Variants in RAB3B observed in about 807,000 individuals in gnomAD.
RAB3B encodes ras-related protein Rab-3B.
Under a neutral mutation model 20.5 loss-of-function variants are expected in RAB3B, and 11 were observed. The observed-to-expected ratio is 0.54, with a 90% CI of 0.34 to 0.89. The LOEUF is 0.89. Ranked by LOEUF, RAB3B falls within the 40% of genes least tolerant of loss-of-function variation. The pLI is 0.02. For synonymous variants in RAB3B, 99 were observed against 106.3 expected, an observed-to-expected ratio of 0.93 and a Z score of 0.42; for missense variants, 225 against 280.9, an observed-to-expected ratio of 0.80 and a Z score of 1.42.
Position 51,912,461 on chromosome 1 carries a change from G to C in RAB3B, c.*7466C>G, listed in dbSNP as rs1420929129. Reference sequence around the variant, plus strand: ...GGTGGCTCATACGTACAATCCTAGTGACTCAGGAGGCCAAGGCAAGAGGAT... The same window carrying C: ...GGTGGCTCATACGTACAATCCTAGTCACTCAGGAGGCCAAGGCAAGAGGAT... On this transcript the variant is annotated 3_prime_UTR_variant, in exon 5 of 5. Coordinates refer to ENST00000371655, the MANE Select transcript of RAB3B (RefSeq NM_002867.4). 6.8e-6 allele frequency: 1 copy of C among 146,726 alleles called. No homozygotes were observed. Among genetic ancestry groups the C allele is most frequent in the Non-Finnish European group, 1.5e-5 (1 of 67,010 alleles). 9.1% of individuals were successfully genotyped at this position (146,726 alleles called of 1,614,324 possible). A position where few individuals can be genotyped will look rare whatever the true frequency, so the allele number is the denominator to read the frequency against.
intron 2 of RAB3B, among the ~76,000 whole-genome samples, 166 bp from the exon 3 acceptor site, chr1:51,937,578 A>G (rs1684424123): frequency 6.6e-6 from 1 of 151,530 alleles, no homozygotes; most frequent in South Asian, 2.1e-4. Flanking sequence ...GCTCACTGCA[A>G]CCTCTGCCTC....
At chr1:51,988,073 G>A (rs1033146303) in intron 1 of RAB3B, among the ~76,000 whole-genome samples, 9 of 151,148 alleles carry the variant, frequency 6.0e-5, no homozygotes, top group African/African-American at 2.2e-4. Flanking sequence ...TCAGTGTTTG[G>A]TTGAAAAAAA....
intron 4 of RAB3B, among the ~76,000 whole-genome samples, chr1:51,928,631 C>G (rs1684280638): frequency 6.6e-6 from 1 of 152,140 alleles, no homozygotes; most frequent in African/African-American, 2.4e-5. Flanking sequence ...TCACTGTTCC[C>G]AGATCTGATC....
rs994904548 is a variant in RAB3B at position 51,910,350 on chromosome 1, A to G, written c.*9577T>C. ...TTAAGTCCTCCTTGAGGTGGAATGC[A>G]TTTCTGGCACATAAACATGGCTGCC... is the stretch of plus-strand genomic sequence containing the variant. On this transcript the variant is annotated 3_prime_UTR_variant, in exon 5 of 5. Transcript: ENST00000371655. 2.0e-5 allele frequency: 3 copies of G among 152,130 alleles called. No homozygotes were observed. Among genetic ancestry groups the G allele is most frequent in the African/African-American group, 4.8e-5 (2 of 41,432 alleles). 9.4% of individuals were successfully genotyped at this position (152,130 alleles called of 1,614,324 possible).
Position 51,913,795 on chromosome 1 carries a change from G to A in RAB3B, c.*6132C>T, listed in dbSNP as rs972350935. 6.6e-6 allele frequency: 1 copy of A among 152,128 alleles called. No homozygotes were observed. The highest frequency in any genetic ancestry group is 1.5e-5 in the Non-Finnish European group (1 of 68,028). The allele number at this position is 152,128 out of a possible 1,614,324, so 9.4% of individuals were successfully genotyped here. On this transcript the variant is annotated 3_prime_UTR_variant, in exon 5 of 5. Coordinates refer to ENST00000371655, the MANE Select transcript of RAB3B (RefSeq NM_002867.4). ...CCCTATTTCTCCATTTCTTAAAACT[G>A]GACTTGGCCATGGAACTTGTGTTCA...
In RAB3B at chr1:51,988,076, GA is replaced by G. The variant is rs1008572905; in HGVS notation, c.-1+2475del. The stretch of plus-strand genomic sequence containing the variant: ...TATTTTTTTTAATCAGTGTTTGGTT[GA>G]AAAAAAAAATTCAGGTATAAGTGAA... On this transcript the variant is annotated intron_variant, in intron 1 of 4. Coordinates refer to ENST00000371655, the MANE Select transcript of RAB3B (RefSeq NM_002867.4). Among the ~76,000 whole-genome samples, 63 of 149,368 alleles carry G rather than the reference GA, an allele frequency of 4.2e-4. 2 individuals are homozygous for G. The highest frequency in any genetic ancestry group is 1.7e-3 in the Admixed American group (25 of 14,972).
At chr1:51,937,228 G>A (rs1362014116) in intron 3 of RAB3B, 66 bp downstream of exon 3, 2 of 1,255,686 alleles carry the variant, frequency 1.6e-6, no homozygotes, top group Middle Eastern at 3.8e-4. Context: ...CACAATACAG[G>A]ACCTAGCACA....
chr1:51,977,157 GGT>G, intron 1 of RAB3B, 40 bp from the exon 2 acceptor site: 1 of 1,519,608 alleles, frequency 6.6e-7, no homozygotes, highest in Non-Finnish European at 9.1e-7. Flanking sequence ...ACAGACCTTC[GGT>G]GTCACCCTGA....
At chr1:51,976,469 G>A (rs1289410316) in intron 2 of RAB3B, among the ~76,000 whole-genome samples, 1 of 152,140 alleles carries the variant, frequency 6.6e-6, no homozygotes, top group Non-Finnish European at 1.5e-5. Context: ...CTATGTTCCA[G>A]GAACTAAGCC....
chr1:51,971,010 CAAAAA>C lies in RAB3B; in HGVS notation c.228+5875_228+5879del, dbSNP rs3074914. 1.0e-3 allele frequency among the ~76,000 whole-genome samples: 58 copies of C among 55,724 alleles called. 1 individual carries two copies. Among genetic ancestry groups the C allele is most frequent in the Middle Eastern group, 0.017 (2 of 116 alleles). 36.6% of individuals were successfully genotyped at this position (55,724 alleles called of 152,430 possible). ...TGGGTGACAGAGCGAGACTCCGTCT[CAAAAA>C]AAAAAAAAAAAAAAAAAAGAAAGAA... On this transcript the variant is annotated intron_variant, in intron 2 of 4. Coordinates refer to ENST00000371655, the MANE Select transcript of RAB3B (RefSeq NM_002867.4).
intron 4 of RAB3B, among the ~76,000 whole-genome samples, chr1:51,921,430 G>A (rs943641058): frequency 1.3e-5 from 2 of 152,086 alleles, no homozygotes; most frequent in African/African-American, 2.4e-5. Context: ...CTGTATTAGC[G>A]GAAACTGGAT....
At chr1:51,961,589 C>T (rs1684784704) in intron 2 of RAB3B, among the ~76,000 whole-genome samples, 1 of 152,064 alleles carries the variant, frequency 6.6e-6, no homozygotes, top group Admixed American at 6.5e-5. Flanking sequence ...CTGTTCTGGG[C>T]ACCATCACTG....
chr1:51,975,866 C>A (rs1685002159), intron 2 of RAB3B, among the ~76,000 whole-genome samples: 1 of 152,088 alleles, frequency 6.6e-6, no homozygotes, highest in Admixed American at 6.5e-5. Flanking sequence ...GTGGCGGGCA[C>A]CTGTAGTCCC....
Position 51,937,383 on chromosome 1 carries a change from G to A in RAB3B, c.258C>T (p.Thr86=), listed in dbSNP as rs1400751706. 1.2e-6 allele frequency: 2 copies of A among 1,610,642 alleles called. No homozygotes were observed. The highest frequency in any genetic ancestry group is 2.2e-5 in the East Asian group (1 of 44,772). ...WDTAGQERYR[T]ITTAYYRGAM... is the part of the protein sequence containing the mutation. ...CCCCACGGTAATAGGCTGTTGTGAT[G>A]GTCCGGTACCGCTCCTGCCCAGCTG... Residue 86 remains threonine (T), a synonymous_variant, in exon 3 of 5, where the codon ACC becomes ACT. Coordinates refer to ENST00000371655, the MANE Select transcript of RAB3B (RefSeq NM_002867.4).
At chr1:51,982,616 G>A (rs953320580) in intron 1 of RAB3B, among the ~76,000 whole-genome samples, 8 of 151,966 alleles carry the variant, frequency 5.3e-5, no homozygotes, top group African/African-American at 1.9e-4. Flanking sequence ...AGCCAGGCGT[G>A]GTGGTGCGCA....
At chr1:51,979,901 G>C (rs964615895) in intron 1 of RAB3B, among the ~76,000 whole-genome samples, 1 of 151,842 alleles carries the variant, frequency 6.6e-6, no homozygotes, top group Non-Finnish European at 1.5e-5. Context: ...AAATTGGCCA[G>C]GGGTGGTGGC....
chr1:51,929,404 T>G (rs1439888393), intron 4 of RAB3B, among the ~76,000 whole-genome samples: 2 of 152,122 alleles, frequency 1.3e-5, no homozygotes, highest in African/African-American at 2.4e-5. Flanking sequence ...CTCAGCTCAC[T>G]GTAACCTCTG....
At chr1:51,925,268 T>C (rs1213703664) in intron 4 of RAB3B, among the ~76,000 whole-genome samples, 1 of 152,200 alleles carries the variant, frequency 6.6e-6, no homozygotes, top group African/African-American at 2.4e-5. Context: ...TGGTCACTGA[T>C]GATTTGGGCT....
At chr1:51,940,879 C>T (rs1312610177) in intron 2 of RAB3B, among the ~76,000 whole-genome samples, 1 of 151,966 alleles carries the variant, frequency 6.6e-6, no homozygotes, top group Non-Finnish European at 1.5e-5. Flanking sequence ...AGAGCAACTA[C>T]CAGAGGGGAA....
Sources: gnomAD v4.1 joint callset for allele counts (sites outside exome capture counted in the v4.1 genomes callset) on GRCh38, gnomAD v4.1.1 for gene constraint, MANE v1.5 for transcripts, NCBI Gene and HGNC (gene_info 2026-07-23, HGNC 2026-07-21) for gene names.